EAF2: variants seen among roughly 807,000 people sequenced by gnomAD.
The protein encoded by EAF2 is ELL-associated factor 2.
A neutral mutation model predicts 29.4 loss-of-function variants in EAF2; 29 were observed. The ratio of observed to expected loss-of-function variants is 0.99; its 90% CI spans 0.73 to 1.35. The LOEUF (loss-of-function observed/expected upper bound fraction) is 1.35, where lower values mean the gene tolerates loss of function less well. Ranked by LOEUF, EAF2 falls within the 40% of genes most tolerant of loss-of-function variation. EAF2 has a pLI of 0.00. For missense variants in EAF2, 292 were observed against 312.0 expected, an observed-to-expected ratio of 0.94 and a Z score of 0.48; for synonymous variants, 103 against 102.5, an observed-to-expected ratio of 1.00 and a Z score of -0.03.
At chr3:121,843,814 A>C (rs1708473919) in intron 1 of EAF2, among the ~76,000 whole-genome samples, 1 of 152,148 alleles carries the variant, frequency 6.6e-6, no homozygotes, top group Non-Finnish European at 1.5e-5. Context: ...GATTTGGTTA[A>C]ATTATACATC....
At chr3:121,884,587 C>G (rs919880399) in intron 5 of EAF2, among the ~76,000 whole-genome samples, 3 of 151,572 alleles carry the variant, frequency 2.0e-5, no homozygotes, top group African/African-American at 7.3e-5. Flanking sequence ...GCCACCATGC[C>G]CAGCTAATTT....
chr3:121,864,487 T>A (rs1708889959), intron 4 of EAF2, among the ~76,000 whole-genome samples: 1 of 152,038 alleles, frequency 6.6e-6, no homozygotes, highest in Non-Finnish European at 1.5e-5. Flanking sequence ...AATCAAGATA[T>A]TGAAGGGGAA....
intron 1 of EAF2, among the ~76,000 whole-genome samples, chr3:121,836,970 C>A (rs1470380816): frequency 1.3e-5 from 2 of 152,108 alleles, no homozygotes; most frequent in Non-Finnish European, 2.9e-5. Flanking sequence ...TCCTTCACAG[C>A]CTTTCATTTA....
chr3:121,845,588 A>G (rs1302960669), intron 2 of EAF2, among the ~76,000 whole-genome samples: 1 of 152,062 alleles, frequency 6.6e-6, no homozygotes, highest in African/African-American at 2.4e-5. Context: ...CATAGGTATT[A>G]AAAAACCATT....
chr3:121,844,340 A>G (rs1194532624), intron 1 of EAF2, 113 bp from the exon 2 acceptor site: 4 of 665,030 alleles, frequency 6.0e-6, no homozygotes, highest in Non-Finnish European at 1.0e-5. Context: ...ACTTTAAACC[A>G]TTTTAATTAC....
chr3:121,869,995 C>T (rs776235419), intron 4 of EAF2, among the ~76,000 whole-genome samples: 10 of 151,912 alleles, frequency 6.6e-5, no homozygotes, highest in South Asian at 2.1e-4. Flanking sequence ...TCAACTAAGG[C>T]GAAGTAAGCA....
intron 2 of EAF2, among the ~76,000 whole-genome samples, chr3:121,846,204 T>TA (rs1312334163): frequency 6.6e-6 from 1 of 152,198 alleles, no homozygotes; most frequent in Non-Finnish European, 1.5e-5. Flanking sequence ...TCTTATTTTT[T>TA]ATCAGTTAAC....
chr3:121,871,361 TG>T (rs1181514967), intron 4 of EAF2, among the ~76,000 whole-genome samples: 3 of 151,892 alleles, frequency 2.0e-5, no homozygotes, highest in Non-Finnish European at 4.4e-5. Flanking sequence ...AAAGTCAAAA[TG>T]GTGATTAGTG....
chr3:121,851,612 G>A (rs1480965960), intron 2 of EAF2, among the ~76,000 whole-genome samples: 1 of 152,214 alleles, frequency 6.6e-6, no homozygotes, highest in Non-Finnish European at 1.5e-5. Context: ...GAGAGTAGAT[G>A]AGAAGATCAT....
At chr3:121,839,494 G>A (rs1708365335) in intron 1 of EAF2, among the ~76,000 whole-genome samples, 2 of 151,994 alleles carry the variant, frequency 1.3e-5, no homozygotes, top group Admixed American at 6.6e-5. Flanking sequence ...GTTTTATTCT[G>A]GGATGTCATT....
intron 5 of EAF2, chr3:121,873,231 A>G: frequency 2.0e-6 from 1 of 510,248 alleles, no homozygotes; most frequent in South Asian, 3.1e-5. Flanking sequence ...CCATCATCTC[A>G]TCACCTTCAA....
intron 5 of EAF2, chr3:121,873,213 A>C: frequency 1.9e-6 from 1 of 531,646 alleles, no homozygotes; most frequent in Non-Finnish European, 3.3e-6. Context: ...CATGTTTAAC[A>C]TCATCTCCCA....
At chr3:121,846,215 C>A (rs1450205135) in intron 2 of EAF2, among the ~76,000 whole-genome samples, 1 of 152,062 alleles carries the variant, frequency 6.6e-6, no homozygotes, top group African/African-American at 2.4e-5. Context: ...ATCAGTTAAC[C>A]ATTTATTGAG....
intron 5 of EAF2, among the ~76,000 whole-genome samples, chr3:121,884,618 G>A (rs1709250830): frequency 6.6e-6 from 1 of 151,800 alleles, no homozygotes; most frequent in Non-Finnish European, 1.5e-5. Context: ...GTAGAGACGG[G>A]GTTTCACCAT....
rs1454134960 is a variant in EAF2 at position 121,882,079 on chromosome 3, T to G, written c.737-4263T>G. Among the ~76,000 whole-genome samples the G allele has an allele frequency of 2.0e-5, 3 of 152,158 alleles. No homozygotes were observed. The East Asian group carries it at 5.8e-4, about 29-fold the overall frequency. The stretch of plus-strand genomic sequence containing the variant: ...AACATGTACTTGAGGCTGGGCATGG[T>G]AGTTCACACTTGTAATCCCAGCACT... On this transcript the variant is annotated intron_variant, in intron 5 of 5. Coordinates refer to ENST00000273668, the MANE Select transcript of EAF2 (RefSeq NM_018456.6).
chr3:121,868,461 C>T (rs1177331354), intron 4 of EAF2, among the ~76,000 whole-genome samples: 2 of 151,966 alleles, frequency 1.3e-5, no homozygotes, highest in Non-Finnish European at 2.9e-5. Flanking sequence ...TAGCCAAGCA[C>T]GGTGGCACGC....
chr3:121,883,250 C>A (rs1350474282), intron 5 of EAF2, among the ~76,000 whole-genome samples: 1 of 152,032 alleles, frequency 6.6e-6, no homozygotes, highest in Non-Finnish European at 1.5e-5. Flanking sequence ...AAAGTATATG[C>A]ATATATATTA....
intron 4 of EAF2, among the ~76,000 whole-genome samples, chr3:121,865,731 A>G (rs532804269): frequency 9.9e-5 from 15 of 152,262 alleles, no homozygotes; most frequent in Admixed American, 8.5e-4. Flanking sequence ...CCCGGAGACA[A>G]CTCACAGCTG....
intron 4 of EAF2, among the ~76,000 whole-genome samples, chr3:121,857,504 G>GA (rs200009284): frequency 6.9e-5 from 10 of 145,926 alleles, no homozygotes; most frequent in Middle Eastern, 3.6e-3. Flanking sequence ...AAAAAAAAAA[G>GA]AAAAAAAAAT....
Sources: allele counts gnomAD v4.1 joint callset (sites outside exome capture counted in the v4.1 genomes callset), GRCh38; gene constraint gnomAD v4.1.1; transcripts MANE v1.5; gene names NCBI Gene and HGNC (gene_info 2026-07-23, HGNC 2026-07-21).